RGSL1: variants seen among roughly 807,000 people sequenced by gnomAD.
RGSL1 encodes the protein regulator of G protein signaling like 1.
RGSL1 carries 97 observed loss-of-function variants against 124.7 expected under a neutral mutation model. The observed-to-expected ratio is 0.78, with a 90% CI of 0.66 to 0.92. The LOEUF is 0.92. Ranked by LOEUF, RGSL1 falls within the 40% of genes least tolerant of loss-of-function variation. The pLI, the probability that RGSL1 is intolerant of heterozygous loss-of-function variation, is 0.00. For synonymous variants in RGSL1, 424 were observed against 438.1 expected (o/e 0.97, Z 0.40); for missense variants, 1,233 against 1,288.4 (o/e 0.96, Z 0.66).
In RGSL1 at chr1:182,518,932, T is replaced by A. The variant is rs558624120; in HGVS notation, c.1826-3072T>A. Among the ~76,000 whole-genome samples, 5 of 152,190 alleles carry A rather than the reference T, an allele frequency of 3.3e-5. No individual in the cohort carries two copies. The South Asian group carries it at 8.3e-4, about 25-fold the overall frequency. ...TCCTTCCATGCTGCCATTTTGGTAC[T>A]CTATGTTACTACTTTTTATTTGTCC... On this transcript the variant is annotated intron_variant, in intron 9 of 21. Transcript: ENST00000294854.
Position 182,489,201 on chromosome 1 carries a change from A to T in RGSL1, c.1716A>T (p.Thr572=). 1 of 1,550,686 alleles carries T rather than the reference A, an allele frequency of 6.4e-7. No individual in the cohort carries two copies. The highest frequency in any genetic ancestry group is 1.4e-5 in the African/African-American group (1 of 73,142). ...QVELTSPVFL[T]DITKMSFEEL... is the part of the protein sequence containing the mutation. ...AGCTGACATCTCCAGTGTTTCTAAC[A>T]GGTCAGAGCAGTCACTGTAATTTTT... The change falls in exon 8 of 22, where the codon ACA becomes ACT. Residue 572 remains threonine, a splice_region_variant and synonymous_variant. Transcript: ENST00000294854.
At chr1:182,556,598 C>T (rs1351394666) in intron 21 of RGSL1, among the ~76,000 whole-genome samples, 1 of 152,154 alleles carries the variant, frequency 6.6e-6, no homozygotes, top group Non-Finnish European at 1.5e-5. Context: ...GATTACTGGG[C>T]AGTAAATGGC....
chr1:182,451,993 G>A (rs1651878822), intron 1 of RGSL1, among the ~76,000 whole-genome samples: 1 of 152,200 alleles, frequency 6.6e-6, no homozygotes, highest in South Asian at 2.1e-4. Context: ...AAGAGAGTAA[G>A]AGCAAGAGTA....
chr1:182,492,152 C>T (rs1326905807), intron 8 of RGSL1, among the ~76,000 whole-genome samples: 2 of 152,132 alleles, frequency 1.3e-5, no homozygotes, highest in African/African-American at 2.4e-5. Context: ...TGTTCTTTGC[C>T]ATTTGTTATT....
chr1:182,506,841 A>G (rs116493337), intron 9 of RGSL1, among the ~76,000 whole-genome samples: 304 of 152,342 alleles, frequency 2.0e-3, no homozygotes, highest in African/African-American at 7.2e-3. Context: ...TAAAGATAAA[A>G]TTAGTATACT....
In RGSL1 at chr1:182,553,476, T is replaced by A. The variant is rs1156956473; in HGVS notation, c.3065T>A (p.Phe1022Tyr). Residue 1022 changes from phenylalanine (F) to tyrosine (Y), a missense_variant, in exon 19 of 22, where the codon TTC (phenylalanine) becomes TAC (tyrosine). By Grantham distance (22) the Phe-to-Tyr change is conservative (BLOSUM62 3). Coordinates refer to ENST00000294854, the MANE Select transcript of RGSL1 (RefSeq NM_001137669.2). Reference protein sequence around the residue: ...SSGGDNAILRFTLLRGIEWLQ... With the variant: ...SSGGDNAILRYTLLRGIEWLQ... ...CCAGGAGACAATGCCATCTTAAGGTTCACCTTGCTCAGAGGTATTGAGTGG... is the reference window on the plus strand; with the variant it reads ...CCAGGAGACAATGCCATCTTAAGGTACACCTTGCTCAGAGGTATTGAGTGG... 6.4e-7 allele frequency: 1 copy of A among 1,551,914 alleles called. No individual in the cohort carries two copies. The highest frequency in any genetic ancestry group is 8.7e-7 in the Non-Finnish European group (1 of 1,147,026).
intron 9 of RGSL1, among the ~76,000 whole-genome samples, chr1:182,497,439 A>G (rs369398169): frequency 2.0e-5 from 3 of 151,292 alleles, no homozygotes; most frequent in East Asian, 3.9e-4. Flanking sequence ...AAAAATTGCT[A>G]TTTTCTCTTG....
chr1:182,529,068 T>A (rs1023154915), intron 11 of RGSL1, among the ~76,000 whole-genome samples: 2 of 152,144 alleles, frequency 1.3e-5, no homozygotes, highest in African/African-American at 4.8e-5. Context: ...CCTTGACACA[T>A]GGGGATTATT....
rs1654134326 is a variant in RGSL1 at position 182,474,517 on chromosome 1, C to A, written c.1406C>A (p.Pro469His). 2 of 1,546,786 alleles carry A rather than the reference C, an allele frequency of 1.3e-6. No individual in the cohort carries two copies. The highest frequency in any genetic ancestry group is 1.7e-6 in the Non-Finnish European group (2 of 1,143,430). ...LPSGDVIPWI[P>H]KAQKEICKML... ...TCTGGGGATGTGATCCCCTGGATTC[C>A]CAAAGCCCAGAAGGAGATTTGCAAG... is the stretch of plus-strand genomic sequence containing the variant. Residue 469 changes from proline to histidine, a missense_variant, in exon 6 of 22, where the codon CCC becomes CAC. Physicochemically the swap from Pro to His is moderately conservative, Grantham distance 77. Transcript: ENST00000294854.
intron 2 of RGSL1, among the ~76,000 whole-genome samples, chr1:182,455,624 A>G (rs562502334): frequency 6.6e-6 from 1 of 152,132 alleles, no homozygotes. Flanking sequence ...GGAGGAAAAG[A>G]CTAGGGAGTG....
rs764161764 is a variant in RGSL1, at chr1:182,488,341, T to C, written c.1488T>C (p.Leu496=). 4 of 1,552,262 alleles carry C rather than the reference T, an allele frequency of 2.6e-6. No individual in the cohort carries two copies. The South Asian group carries it at 4.8e-5, about 18-fold the overall frequency. The change falls in exon 7 of 22, where the codon CTT becomes CTC. Residue 496 remains leucine (L), a synonymous_variant. Coordinates refer to ENST00000294854, the MANE Select transcript of RGSL1 (RefSeq NM_001137669.2). The part of the protein sequence containing the change: ...FLDEEDYWFL[L]FTTQNRFISS... Reference sequence around the variant, plus strand: ...ATGAAGAGGACTACTGGTTTCTCCTTTTTACGGTAGGAAGGACTTTGGGTT... The same window carrying C: ...ATGAAGAGGACTACTGGTTTCTCCTCTTTACGGTAGGAAGGACTTTGGGTT...
At chr1:182,558,269 A>G (rs1660976561) in intron 21 of RGSL1, among the ~76,000 whole-genome samples, 1 of 151,844 alleles carries the variant, frequency 6.6e-6, no homozygotes, top group African/African-American at 2.4e-5. Context: ...AGGGGAGGAA[A>G]AGGCGTCCCA....
In RGSL1 at chr1:182,501,307, C is replaced by CT. The variant is rs141279993; in HGVS notation, c.1825+8208dup. Among the ~76,000 whole-genome samples the CT allele has an allele frequency of 7.8e-4, 48 of 61,368 alleles. 4 individuals are homozygous for CT. Among genetic ancestry groups the CT allele is most frequent in the African/African-American group, 2.7e-3 (42 of 15,380 alleles). The allele number at this position is 61,368 out of a possible 152,430, so 40.3% of individuals were successfully genotyped here. On this transcript the variant is annotated intron_variant, in intron 9 of 21. Coordinates refer to ENST00000294854, the MANE Select transcript of RGSL1 (RefSeq NM_001137669.2). ...TTTCTTTTCTTTTCTTTTTTCTTTT[C>CT]TTTTTTTTTTTTTTTTTTTTTTTTT... is the stretch of plus-strand genomic sequence containing the variant.
intron 15 of RGSL1, 73 bp from the exon 16 acceptor site, chr1:182,548,244 C>G (rs1660341150): frequency 6.6e-7 from 1 of 1,511,438 alleles, no homozygotes; most frequent in African/African-American, 1.4e-5. Context: ...AGAAATGAGT[C>G]TAGGCTGGGT....
intron 9 of RGSL1, among the ~76,000 whole-genome samples, chr1:182,516,097 T>C (rs1473016993): frequency 6.6e-6 from 1 of 152,344 alleles, no homozygotes; most frequent in East Asian, 1.9e-4. Flanking sequence ...ATAATGCCTT[T>C]GTTGCCCCAG....
intron 15 of RGSL1, among the ~76,000 whole-genome samples, chr1:182,543,504 A>C (rs1660021334): frequency 6.6e-6 from 1 of 151,942 alleles, no homozygotes; most frequent in Non-Finnish European, 1.5e-5. Context: ...ATTGGCCTGT[A>C]GTTTTCTTTT....
chr1:182,553,787 C>T (rs577807060), intron 19 of RGSL1, among the ~76,000 whole-genome samples: 29 of 152,186 alleles, frequency 1.9e-4, no homozygotes, highest in Non-Finnish European at 2.9e-4. Context: ...TTTTTGTAAC[C>T]CCGGGAAGGC....
At chr1:182,467,925 AAAAC>A (rs1653484193) in intron 4 of RGSL1, among the ~76,000 whole-genome samples, 1 of 152,212 alleles carries the variant, frequency 6.6e-6, no homozygotes, top group East Asian at 1.9e-4. Flanking sequence ...TTACAAGACA[AAAAC>A]AAACAGCCCC....
At chr1:182,469,288 A>T (rs184246441) in intron 4 of RGSL1, among the ~76,000 whole-genome samples, 9 of 152,364 alleles carry the variant, frequency 5.9e-5, no homozygotes, top group Admixed American at 5.9e-4. Flanking sequence ...TATCCAGAAT[A>T]TATGGAGAAC....
Sources: allele counts gnomAD v4.1 joint callset (sites outside exome capture counted in the v4.1 genomes callset), GRCh38; gene constraint gnomAD v4.1.1; transcripts MANE v1.5; gene names NCBI Gene and HGNC (gene_info 2026-07-23, HGNC 2026-07-21).